RGS3: variants seen among roughly 807,000 people sequenced by gnomAD.
RGS3 encodes the protein regulator of G-protein signalling 3.
Under a neutral mutation model 132.6 loss-of-function variants are expected in RGS3, and 80 were observed. The ratio of observed to expected loss-of-function variants is 0.60; its 90% confidence interval spans 0.50 to 0.73. The LOEUF (loss-of-function observed/expected upper bound fraction) is 0.73. Ranked by LOEUF, RGS3 falls within the 30% of genes least tolerant of loss-of-function variation. The probability of loss-of-function intolerance (pLI) is 0.00; values close to 1 mark genes in which losing one functional copy is unlikely to be tolerated. For missense variants in RGS3, 1,382 were observed against 1,530.8 expected (o/e 0.90, Z 1.62); for synonymous variants, 598 against 620.6 (o/e 0.96, Z 0.54).
chr9:113,595,132 C>A, intron 23 of RGS3, 152 bp downstream of exon 21: 1 of 700,298 alleles, frequency 1.4e-6, no homozygotes, highest in Non-Finnish European at 2.4e-6. Context: ...TGAGCCCAAG[C>A]TGAGGCCCTT....
At chr9:113,478,524 C>T (rs2119208009) in intron 3 of RGS3, among the ~76,000 whole-genome samples, 1 of 152,220 alleles carries the variant, frequency 6.6e-6, no homozygotes, top group Admixed American at 6.5e-5. Context: ...AAAAACTCGT[C>T]TTTGTGGGGC....
intron 3 of RGS3, among the ~76,000 whole-genome samples, chr9:113,465,075 C>T (rs971554846): frequency 1.2e-4 from 18 of 151,574 alleles, no homozygotes; most frequent in Non-Finnish European, 1.8e-4. Flanking sequence ...ATTCCTTATG[C>T]CAAGTGTTTT....
chr9:113,447,329 G>GTGTGTATAGATATATA (rs1554751009), intron 1 of RGS3, among the ~76,000 whole-genome samples: 1 of 27,536 alleles, frequency 3.6e-5, no homozygotes. Context: ...GTATGTATAT[G>GTGTGTATAGATATATA]TATATATATA....
In RGS3 at chr9:113,515,809, C is replaced by T. The variant is rs1449095890; in HGVS notation, c.1674+1155C>T. Among the ~76,000 whole-genome samples the T allele has an allele frequency of 2.0e-5, 3 of 152,216 alleles. No individual in the cohort carries two copies. The East Asian group carries it at 5.8e-4, about 29-fold the overall frequency. ...AGGAAAATTGTAGCATGAACCTTTCCCACACCACTAAATGCTCTGTGTTTT... is the reference window on the plus strand; with the variant it reads ...AGGAAAATTGTAGCATGAACCTTTCTCACACCACTAAATGCTCTGTGTTTT... On this transcript the variant is annotated intron_variant, in intron 15 of 24. Coordinates refer to ENST00000350696, the Ensembl canonical transcript of RGS3.
At chr9:113,596,825 C>T (rs534223749) in exon 25 of RGS3, 55 of 1,613,676 alleles carry the variant, frequency 3.4e-5, no homozygotes, top group East Asian at 4.5e-5. Flanking sequence ...GAGCGTCACG[C>T]GGGGCTGCTT....
chr9:113,563,779 G>T (rs916903289), intron 19 of RGS3, among the ~76,000 whole-genome samples: 1 of 152,218 alleles, frequency 6.6e-6, no homozygotes, highest in Non-Finnish European at 1.5e-5. Context: ...CAGTGTGCAT[G>T]TATATGCTTG....
intron 3 of RGS3, 133 bp downstream of exon 1, chr9:113,464,014 C>T: frequency 1.1e-6 from 1 of 917,442 alleles, no homozygotes; most frequent in East Asian, 2.8e-5. Context: ...TCTCTGGCCC[C>T]TTTCTCCTGT....
At chr9:113,495,959 A>G (rs927914764) in intron 8 of RGS3, 113 bp downstream of exon 6, 5 of 934,884 alleles carry the variant, frequency 5.3e-6, no homozygotes, top group Admixed American at 3.5e-5. Flanking sequence ...ATGGTGCCCC[A>G]CTGAGACAGG....
At chr9:113,468,674 C>G (rs1377173252) in intron 3 of RGS3, among the ~76,000 whole-genome samples, 2 of 152,162 alleles carry the variant, frequency 1.3e-5, no homozygotes, top group Admixed American at 1.3e-4. Flanking sequence ...ACTGATGAAG[C>G]AAATTATTAA....
At chr9:113,570,014 C>T (rs560356333) in intron 19 of RGS3, among the ~76,000 whole-genome samples, 2 of 152,242 alleles carry the variant, frequency 1.3e-5, no homozygotes, top group East Asian at 3.9e-4. Context: ...CATGCTCCTC[C>T]TTGTCTAGGG....
chr9:113,536,980 C>T, intron 19 of RGS3, 62 bp downstream of exon 17: 2 of 1,532,732 alleles, frequency 1.3e-6, no homozygotes, highest in South Asian at 1.1e-5. Context: ...AGCCTAGACC[C>T]TTGAGCCTCT....
intron 21 of RGS3, chr9:113,593,714 G>T (rs973546509): frequency 3.4e-6 from 2 of 596,888 alleles, no homozygotes; most frequent in Non-Finnish European, 6.0e-6. Flanking sequence ...TGAGCAAGAG[G>T]CATTTAACTC....
chr9:113,527,254 C>G lies in RGS3; in HGVS notation c.1871-1967C>G, dbSNP rs75343032. Reference sequence around the variant, plus strand: ...CTCAGCCTCCTATTTCCCTGCAGCTCTCATCTCCTGGACTTTCCTCTCCCT... The same window carrying G: ...CTCAGCCTCCTATTTCCCTGCAGCTGTCATCTCCTGGACTTTCCTCTCCCT... On this transcript the variant is annotated intron_variant, in intron 17 of 24. Coordinates refer to ENST00000350696, the Ensembl canonical transcript of RGS3. Among the ~76,000 whole-genome samples, 216 of 152,350 alleles carry G rather than the reference C, an allele frequency of 1.4e-3. 1 individual carries two copies. The highest frequency in any genetic ancestry group is 6.8e-3 in the Middle Eastern group (2 of 294).
intron 19 of RGS3, among the ~76,000 whole-genome samples, chr9:113,538,031 A>G (rs372314786): frequency 2.6e-5 from 4 of 152,358 alleles, no homozygotes; most frequent in African/African-American, 9.6e-5. Context: ...GCCACCCTCT[A>G]CCACCAACTG....
chr9:113,554,937 C>G (rs1249033355), intron 19 of RGS3, among the ~76,000 whole-genome samples: 2 of 152,030 alleles, frequency 1.3e-5, no homozygotes, highest in African/African-American at 4.8e-5. Context: ...TACTTTTATT[C>G]TTTTATTTTT....
intron 19 of RGS3, among the ~76,000 whole-genome samples, chr9:113,562,285 G>A (rs1833822272): frequency 6.6e-6 from 1 of 152,094 alleles, no homozygotes; most frequent in African/African-American, 2.4e-5. Flanking sequence ...AGATCAGCCT[G>A]GCCAACATGG....
rs557984621 is a variant in RGS3, at chr9:113,594,207, G to C, written c.3081-223G>C. 4.3e-6 allele frequency: 7 copies of C among 1,612,890 alleles called. No homozygotes were observed. In the Admixed American group the frequency reaches 6.7e-5, roughly 15 times the overall value. ...CTGCCCGCTGCCCAGGACGCGGGGT[G>C]GGGGACAGGAGCCAGAGTGGTGCCT... On this transcript the variant is annotated intron_variant, in intron 21 of 24. Transcript: ENST00000350696.
chr9:113,547,949 T>C (rs901594396), intron 19 of RGS3, among the ~76,000 whole-genome samples: 1 of 152,236 alleles, frequency 6.6e-6, no homozygotes, highest in Non-Finnish European at 1.5e-5. Context: ...AAGGGTTAAG[T>C]AGGCTGGCCT....
At chr9:113,503,332 G>A (rs902443960) in intron 10 of RGS3, 2 of 152,396 alleles carry the variant, frequency 1.3e-5, no homozygotes, top group African/African-American at 2.4e-5. Flanking sequence ...GGGATGGTCA[G>A]GTTCTTTGGA....
Sources: allele counts gnomAD v4.1 joint callset (sites outside exome capture counted in the v4.1 genomes callset), GRCh38; gene constraint gnomAD v4.1.1; transcripts MANE v1.5; gene names NCBI Gene and HGNC (gene_info 2026-07-23, HGNC 2026-07-21).